The following SARDH variants were observed in gnomAD, a reference collection of about 807,000 sequenced individuals.
The protein encoded by SARDH is sarcosine dehydrogenase, mitochondrial.
Under a neutral mutation model 109.1 loss-of-function variants are expected in SARDH, and 95 were observed. The ratio of observed to expected loss-of-function variants is 0.87; its 90% CI spans 0.74 to 1.03. The LOEUF is 1.03. Ranked by LOEUF, SARDH falls within the 50% of genes least tolerant of loss-of-function variation. The probability of loss-of-function intolerance (pLI) is 0.00; values close to 1 mark genes in which losing one functional copy is unlikely to be tolerated. For missense variants in SARDH, 1,267 were observed against 1,287.8 expected, an observed-to-expected ratio of 0.98 and a Z score of 0.25; for synonymous variants, 572 against 534.8, an observed-to-expected ratio of 1.07 and a Z score of -0.96.
chr9:133,673,144 T>G (rs1314889947), intron 17 of SARDH, among the ~76,000 whole-genome samples: 2 of 152,326 alleles, frequency 1.3e-5, no homozygotes, highest in South Asian at 4.1e-4. Flanking sequence ...CCCGCACGCC[T>G]GCACAACAGG....
intron 17 of SARDH, among the ~76,000 whole-genome samples, chr9:133,681,408 G>A (rs1237382417): frequency 6.6e-6 from 1 of 152,212 alleles, no homozygotes; most frequent in African/African-American, 2.4e-5. Context: ...CCATCTTTGC[G>A]GGACTCTCGG....
At position 133,685,829 on chromosome 9, in the gene SARDH, C is replaced by A. The variant is rs541674293; in HGVS notation, c.2070-543G>T. ...GAGCCGGATTGGAGCAGATTCCGGC[C>A]TCCTCCCAGCCCACTGCAGAAAGTG... On this transcript the variant is annotated intron_variant, in intron 16 of 20. Coordinates refer to ENST00000439388, the MANE Select transcript of SARDH (RefSeq NM_001134707.2). Among the ~76,000 whole-genome samples the A allele has an allele frequency of 3.9e-5, 6 of 152,308 alleles. No homozygotes were observed. The South Asian group carries it at 8.3e-4, about 21-fold the overall frequency.
rs182430122 is a variant in SARDH, at chr9:133,678,384, G to A, written c.2164-6687C>T. Among the ~76,000 whole-genome samples the A allele has an allele frequency of 9.1e-4, 138 of 152,192 alleles. 2 individuals are homozygous for A. Among genetic ancestry groups the A allele is most frequent in the African/African-American group, 3.2e-3 (131 of 41,526 alleles). Reference sequence around the variant, plus strand: ...ACCTCCTCATCCCCTCTTGTCTCCCGCCCTCTTTCTCCCCTGCAGCAAGTC... The same window carrying A: ...ACCTCCTCATCCCCTCTTGTCTCCCACCCTCTTTCTCCCCTGCAGCAAGTC... On this transcript the variant is annotated intron_variant, in intron 17 of 20. Coordinates refer to ENST00000439388, the MANE Select transcript of SARDH (RefSeq NM_001134707.2).
In SARDH at chr9:133,686,901, C is replaced by T. The variant is rs1830905505; in HGVS notation, c.2070-1615G>A. On this transcript the variant is annotated intron_variant, in intron 16 of 20. Transcript: ENST00000439388. This position sits in a 1 kb window ranked among gnomAD's most constrained non-coding sequence, Gnocchi z 4.0. ...ATACCAGTGCCTCAGACCTGACAAG[C>T]ACATGCTCTCTGCAGCCTTGAGTGG... is the stretch of plus-strand genomic sequence containing the variant. Among the ~76,000 whole-genome samples, 2 of 152,214 alleles carry T rather than the reference C, an allele frequency of 1.3e-5. No homozygotes were observed. Among genetic ancestry groups the T allele is most frequent in the Admixed American group, 6.5e-5 (1 of 15,288 alleles).
rs1390210709 is a variant in SARDH at position 133,734,025 on chromosome 9, T to C, written c.149A>G (p.Gln50Arg). The change falls in exon 2 of 21, where the codon CAG becomes CGG. Residue 50 changes from glutamine (Q) to arginine (R), a missense_variant. Gln to Arg is a conservative substitution (Grantham distance 43, BLOSUM62 1). Coordinates refer to ENST00000439388, the MANE Select transcript of SARDH (RefSeq NM_001134707.2). ...GCCTTGGGCCACCACCGAGGTGCCC[T>C]GTCCCTCCTTCAGGGTCCGCTGATA... ...VPYQRTLKEGQGTSVVAQGPS... is the reference protein window; with the variant it reads ...VPYQRTLKEGRGTSVVAQGPS... 1 of 1,613,224 alleles carries C rather than the reference T, an allele frequency of 6.2e-7. No individual in the cohort carries two copies. Among genetic ancestry groups the C allele is most frequent in the Non-Finnish European group, 8.5e-7 (1 of 1,179,940 alleles).
rs754313220 is a variant in SARDH, at chr9:133,717,416, A to G, written c.1060T>C (p.Trp354Arg). 1 of 1,614,090 alleles carries G rather than the reference A, an allele frequency of 6.2e-7. No individual in the cohort carries two copies. The highest frequency in any genetic ancestry group is 1.7e-5 in the Admixed American group (1 of 60,020). Reference sequence around the variant, plus strand: ...TCAATGTGCTGGGTGAACACCTCCCAGTCCAGGTCAAAGAGGCCGAAGGCA... The same window carrying G: ...TCAATGTGCTGGGTGAACACCTCCCGGTCCAGGTCAAAGAGGCCGAAGGCA... ...KFAFGLFDLD[W>R]EVFTQHIEGA... Residue 354 changes from tryptophan (W) to arginine (R), a missense_variant, in exon 8 of 21, where the codon TGG (tryptophan) becomes CGG (arginine). Transcript: ENST00000439388.
chr9:133,723,528 C>G (rs900915194), intron 6 of SARDH, among the ~76,000 whole-genome samples: 2 of 152,110 alleles, frequency 1.3e-5, no homozygotes, highest in Non-Finnish European at 2.9e-5. Context: ...TTTGGGAGGC[C>G]AAGGCGGGTG....
chr9:133,719,164 T>C, intron 6 of SARDH, 122 bp from the exon 7 acceptor site: 2 of 754,462 alleles, frequency 2.7e-6, no homozygotes, highest in South Asian at 3.2e-5. Flanking sequence ...TCCTTCTCGT[T>C]GTAGGACCCC....
chr9:133,661,296 C>T (rs1218061193), downstream of SARDH, among the ~76,000 whole-genome samples: 8 of 150,908 alleles, frequency 5.3e-5, no homozygotes, highest in African/African-American at 1.2e-4. Context: ...GCTGAGATCA[C>T]ACCACTGTAC....
chr9:133,683,038 C>A (rs113064495), intron 17 of SARDH, among the ~76,000 whole-genome samples: 8 of 152,222 alleles, frequency 5.3e-5, no homozygotes, highest in Non-Finnish European at 7.3e-5. Context: ...CTGCACCCCC[C>A]ACGCTGTGTT....
At chr9:133,708,687 A>C (rs796150498) in intron 10 of SARDH, among the ~76,000 whole-genome samples, 2 of 151,916 alleles carry the variant, frequency 1.3e-5, no homozygotes, top group African/African-American at 4.8e-5. Flanking sequence ...CTCATCCCCC[A>C]CAGGGACATG....
rs547702333 is a variant in SARDH at position 133,728,002 on chromosome 9, G to A, written c.915+1763C>T. On this transcript the variant is annotated intron_variant, in intron 6 of 20. Transcript: ENST00000439388. The surrounding 1 kb of genome is among the most constrained non-coding windows in gnomAD (Gnocchi z 5.0). ...TCCCAGAACCCACTGAGACCTGAGC[G>A]TGACCCCTGGCGGCCACCTAGGGGA... Among the ~76,000 whole-genome samples, 5 of 152,182 alleles carry A rather than the reference G, an allele frequency of 3.3e-5. No homozygotes were observed. The highest frequency in any genetic ancestry group is 3.4e-3 in the Middle Eastern group (1 of 294).
chr9:133,669,600 TGCGC>T (rs1830262953), intron 19 of SARDH, among the ~76,000 whole-genome samples: 1 of 151,970 alleles, frequency 6.6e-6, no homozygotes, highest in South Asian at 2.1e-4. Flanking sequence ...AGGGATCACG[TGCGC>T]CGGGCTCCAG....
At chr9:133,675,158 A>G (rs1830473767) in intron 17 of SARDH, among the ~76,000 whole-genome samples, 1 of 152,170 alleles carries the variant, frequency 6.6e-6, no homozygotes, top group Non-Finnish European at 1.5e-5. Context: ...ACCCTGGCCA[A>G]CATAGTGAAA....
In SARDH at chr9:133,713,047, TG is replaced by T; in HGVS notation, c.1227del (p.Phe409LeufsTer6). The T allele has an allele frequency of 6.2e-7, 1 of 1,611,808 alleles. No homozygotes were observed. Among genetic ancestry groups the T allele is most frequent in the Non-Finnish European group, 8.5e-7 (1 of 1,179,426 alleles). ...ELRGFFLGCG[F>X]NSAGMMLGGG... ...TGCTGCCCGGACTCACCTGCGCTGT[TG>T]AAGCCACAGCCCAGGAAGAACCCTC... On this transcript the variant is annotated frameshift_variant, in exon 9 of 21. Coordinates refer to ENST00000439388, the MANE Select transcript of SARDH (RefSeq NM_001134707.2). LOFTEE classifies it high-confidence loss of function.
chr9:133,682,487 G>A (rs1486536359), intron 17 of SARDH, among the ~76,000 whole-genome samples: 1 of 152,214 alleles, frequency 6.6e-6, no homozygotes, highest in Non-Finnish European at 1.5e-5. Context: ...GGTCCTCTGA[G>A]ATGCCGCTGA....
intron 6 of SARDH, among the ~76,000 whole-genome samples, chr9:133,720,517 T>C (rs7870095): frequency 0.22 from 33,709 of 152,174 alleles, 3,943 homozygotes; most frequent in Middle Eastern, 0.26. Context: ...AATAAAGACA[T>C]ACCCAAGACT....
At chr9:133,665,660 A>G (rs1272866936) in intron 20 of SARDH, among the ~76,000 whole-genome samples, 4 of 152,290 alleles carry the variant, frequency 2.6e-5, no homozygotes, top group East Asian at 3.9e-4. Context: ...ATGGGCTGCC[A>G]CTTCCCCACA....
intron 19 of SARDH, among the ~76,000 whole-genome samples, chr9:133,669,786 CT>C (rs1278381283): frequency 6.6e-6 from 1 of 152,250 alleles, no homozygotes; most frequent in Non-Finnish European, 1.5e-5. Flanking sequence ...CCCTCTCCCC[CT>C]ATCACAGGGC....
Sources: gnomAD v4.1 joint callset for allele counts (sites outside exome capture counted in the v4.1 genomes callset) on GRCh38, gnomAD v4.1.1 for gene constraint, Gnocchi (gnomAD v3.1) non-coding constraint, MANE v1.5 for transcripts, NCBI Gene and HGNC (gene_info 2026-07-23, HGNC 2026-07-21) for gene names.